SULT1C3: variants seen among roughly 807,000 people sequenced by gnomAD.
The protein encoded by SULT1C3 is sulfotransferase family 1C member 3.
In SULT1C3, 31 loss-of-function variants were observed where a neutral mutation model predicts 28.4. That is an observed-to-expected ratio of 1.09 (90% confidence interval 0.82 to 1.47). The LOEUF (loss-of-function observed/expected upper bound fraction) is 1.47. Ranked by LOEUF, SULT1C3 falls within the 40% of genes most tolerant of loss-of-function variation. The pLI is 0.00. For synonymous variants in SULT1C3, 106 were observed against 92.2 expected (o/e 1.15, Z -0.86); for missense variants, 307 against 272.5 (o/e 1.13, Z -0.89).
intron 4 of SULT1C3, 99 bp from the exon 5 acceptor site, chr2:108,255,473 T>C: frequency 7.2e-7 from 1 of 1,387,860 alleles, no homozygotes; most frequent in South Asian, 1.4e-5. Context: ...TGCTATAAAC[T>C]TATAGGATAT....
chr2:108,265,288 A>G (rs1260610977), downstream of SULT1C3: 2 of 1,613,984 alleles, frequency 1.2e-6, no homozygotes, highest in African/African-American at 1.3e-5. Flanking sequence ...AAAATGAAGA[A>G]TTTGACAAGG....
At chr2:108,253,738 G>A (rs1431685402) in intron 4 of SULT1C3, among the ~76,000 whole-genome samples, 1 of 151,890 alleles carries the variant, frequency 6.6e-6, no homozygotes, top group Non-Finnish European at 1.5e-5. Context: ...AGAATGGAGG[G>A]AAACACATTT....
intron 2 of SULT1C3, among the ~76,000 whole-genome samples, 180 bp from the exon 3 acceptor site, chr2:108,252,184 TA>T (rs1675744935): frequency 4.0e-5 from 6 of 150,238 alleles, no homozygotes; most frequent in South Asian, 2.1e-4. Flanking sequence ...GATAGATAGA[TA>T]GATGGATAGA....
In SULT1C3 at chr2:108,259,106, T is replaced by A. The variant is rs557567719; in HGVS notation, c.762T>A (p.Ala254=). ...NPMANHTAVP[A]HIFNHSISKF... ...TGGCCAACCATACTGCGGTACCTGCTCACATATTCAATCACTCCATCTCAA... is the reference window on the plus strand; with the variant it reads ...TGGCCAACCATACTGCGGTACCTGCACACATATTCAATCACTCCATCTCAA... Residue 254 remains alanine, a synonymous_variant, in exon 7 of 8, where the codon GCT becomes GCA. Coordinates refer to ENST00000681802, the MANE Select transcript of SULT1C3 (RefSeq NM_001320878.2). 5.1e-5 allele frequency: 27 copies of A among 526,444 alleles called. No individual in the cohort carries two copies. The South Asian group carries it at 5.4e-4, about 10-fold the overall frequency. 32.6% of individuals were successfully genotyped at this position (526,444 alleles called of 1,614,324 possible).
intron 1 of SULT1C3, among the ~76,000 whole-genome samples, chr2:108,242,502 G>A (rs1177873437): frequency 6.6e-6 from 1 of 152,160 alleles, no homozygotes; most frequent in Non-Finnish European, 1.5e-5. Context: ...TTAGTGGAGG[G>A]TGGGGATGTT....
chr2:108,252,881 G>T (rs370255955), intron 3 of SULT1C3, among the ~76,000 whole-genome samples: 2 of 152,110 alleles, frequency 1.3e-5, no homozygotes, highest in South Asian at 2.1e-4. Context: ...GGGATATACC[G>T]TGGACATTCC....
intron 1 of SULT1C3, among the ~76,000 whole-genome samples, chr2:108,245,646 G>C (rs1016533166): frequency 6.6e-6 from 1 of 152,122 alleles, no homozygotes; most frequent in Admixed American, 6.5e-5. Context: ...ACAACGCGGG[G>C]ACCCTGGGCC....
At chr2:108,260,149 C>T (rs1675985461) in intron 7 of SULT1C3, among the ~76,000 whole-genome samples, 1 of 152,050 alleles carries the variant, frequency 6.6e-6, no homozygotes, top group African/African-American at 2.4e-5. Context: ...TAATTTTACC[C>T]AACAAGTAAT....
At chr2:108,256,092 C>T (rs1248351382) in intron 5 of SULT1C3, among the ~76,000 whole-genome samples, 2 of 152,028 alleles carry the variant, frequency 1.3e-5, no homozygotes, top group East Asian at 1.9e-4. Flanking sequence ...AAGTCATACA[C>T]TGCACAGCCA....
At chr2:108,265,087 T>C, downstream of SULT1C3, 1 of 1,490,984 alleles carries the variant, frequency 6.7e-7, no homozygotes. Flanking sequence ...TAATGTTTCA[T>C]TCTCCATTAT....
rs1675784132 is a variant in SULT1C3 at position 108,253,403 on chromosome 2, A to C, written c.360A>C (p.Ser120=). 1.9e-6 allele frequency: 3 copies of C among 1,569,792 alleles called. No homozygotes were observed. The South Asian group carries it at 3.6e-5, about 19-fold the overall frequency. The change falls in exon 4 of 8, where the codon TCA becomes TCC. Residue 120 remains serine, a synonymous_variant. Transcript: ENST00000681802. The part of the protein sequence containing the change: ...SPQLIKTHLP[S]HLIPPSIWKE... ...AACTGATAAAAACACATCTCCCTTC[A>C]CATCTGATTCCACCATCTATCTGGA...
At position 108,247,240 on chromosome 2, in the gene SULT1C3, G is replaced by A; in HGVS notation, c.46G>A (p.Glu16Lys). Reference sequence around the variant, plus strand: ...CGCTCCCACGATGGAAAAAAAGCCAGAACTGTTTAACATCATGGAAGTAGA... The same window carrying A: ...CGCTCCCACGATGGAAAAAAAGCCAAAACTGTTTAACATCATGGAAGTAGA... ...KNAPTMEKKP[E>K]LFNIMEVDGV... The change falls in exon 2 of 8, where the codon GAA (glutamate) becomes AAA (lysine). Residue 16 changes from glutamate to lysine, a missense_variant. Glu to Lys is a moderately conservative substitution (Grantham distance 56, BLOSUM62 1). Transcript: ENST00000681802. 1 of 1,572,656 alleles carries A rather than the reference G, an allele frequency of 6.4e-7. No individual in the cohort carries two copies. The highest frequency in any genetic ancestry group is 8.6e-7 in the Non-Finnish European group (1 of 1,157,720).
intron 3 of SULT1C3, 82 bp from the exon 4 acceptor site, chr2:108,253,263 T>C: frequency 1.1e-6 from 1 of 897,652 alleles, no homozygotes; most frequent in South Asian, 3.0e-5. Flanking sequence ...ATAATCACTC[T>C]ACAGACAAAG....
chr2:108,262,985 T>C (rs992400354), downstream of SULT1C3, among the ~76,000 whole-genome samples: 1 of 152,224 alleles, frequency 6.6e-6, no homozygotes, highest in Non-Finnish European at 1.5e-5. Context: ...GCATGCCTTC[T>C]AAAGACATAT....
chr2:108,264,954 A>C (rs1199892491), downstream of SULT1C3: 3 of 1,613,656 alleles, frequency 1.9e-6, no homozygotes, highest in Non-Finnish European at 2.5e-6. Context: ...CAACTATACC[A>C]CTTTGCCCAC....
intron 1 of SULT1C3, among the ~76,000 whole-genome samples, chr2:108,243,214 C>T (rs1675503225): frequency 6.6e-6 from 1 of 152,164 alleles, no homozygotes; most frequent in South Asian, 2.1e-4. Context: ...CCAAACAGCT[C>T]CATTTTGTTT....
chr2:108,254,815 A>G (rs535904146), intron 4 of SULT1C3, among the ~76,000 whole-genome samples: 2 of 151,054 alleles, frequency 1.3e-5, no homozygotes, highest in African/African-American at 4.9e-5. Flanking sequence ...ATATGTATAT[A>G]TGTGTATATA....
At chr2:108,263,104 C>G (rs74965300), downstream of SULT1C3, among the ~76,000 whole-genome samples, 1,623 of 152,276 alleles carry the variant, frequency 0.011, 38 homozygotes, top group African/African-American at 0.037. Flanking sequence ...CTGGGTTGAT[C>G]ACCCTTATCT....
In SULT1C3 at chr2:108,255,622, C is replaced by T; in HGVS notation, c.450C>T (p.His150=). The T allele has an allele frequency of 6.2e-7, 1 of 1,612,014 alleles. No individual in the cohort carries two copies. The highest frequency in any genetic ancestry group is 1.1e-5 in the South Asian group (1 of 91,006). ...NPKDCLVSYY[H]FHRMASFMPD... is the part of the protein sequence containing the mutation. ...AGGATTGCCTGGTGTCCTACTACCA[C>T]TTTCACAGGATGGCTTCCTTTATGC... is the stretch of plus-strand genomic sequence containing the variant. The change falls in exon 5 of 8, where the codon CAC becomes CAT. Residue 150 remains histidine, a synonymous_variant. Coordinates refer to ENST00000681802, the MANE Select transcript of SULT1C3 (RefSeq NM_001320878.2).
Sources: gnomAD v4.1 joint callset for allele counts (sites outside exome capture counted in the v4.1 genomes callset) on GRCh38, gnomAD v4.1.1 for gene constraint, MANE v1.5 for transcripts, NCBI Gene and HGNC (gene_info 2026-07-23, HGNC 2026-07-21) for gene names.